Variants in PCDH9 observed in about 807,000 individuals in gnomAD.
PCDH9 encodes the protein protocadherin 9.
In PCDH9, 24 loss-of-function variants were observed where a neutral mutation model predicts 70.6. The ratio of observed to expected loss-of-function variants is 0.34; its 90% confidence interval spans 0.25 to 0.48. The LOEUF (loss-of-function observed/expected upper bound fraction) is 0.48. PCDH9 is among the 20% of genes least tolerant of loss of function. The pLI, the probability that PCDH9 is intolerant of heterozygous loss-of-function variation, is 0.99. For missense variants in PCDH9, 1,281 were observed against 1,503.6 expected, an observed-to-expected ratio of 0.85 and a Z score of 2.45; for synonymous variants, 562 against 558.5, an observed-to-expected ratio of 1.01 and a Z score of -0.09.
chr13:66,346,716 G>C (rs911677805), intron 4 of PCDH9, among the ~76,000 whole-genome samples: 1 of 152,160 alleles, frequency 6.6e-6, no homozygotes, highest in Non-Finnish European at 1.5e-5. Flanking sequence ...TAGAGGGCAG[G>C]AGCTATATCA....
intron 3 of PCDH9, among the ~76,000 whole-genome samples, chr13:66,680,711 G>A (rs891364802): frequency 6.6e-6 from 1 of 151,754 alleles, no homozygotes; most frequent in Non-Finnish European, 1.5e-5. Flanking sequence ...CAACCAATGA[G>A]CAATAGTACA....
At chr13:66,771,294 T>C (rs911669399) in intron 3 of PCDH9, among the ~76,000 whole-genome samples, 3 of 152,196 alleles carry the variant, frequency 2.0e-5, no homozygotes, top group Non-Finnish European at 2.9e-5. Flanking sequence ...TTTAGATCTA[T>C]AGGAGAATAT....
intron 3 of PCDH9, among the ~76,000 whole-genome samples, chr13:66,731,007 A>ATCAG (rs1566154365): frequency 1.1e-4 from 17 of 150,732 alleles, no homozygotes; most frequent in African/African-American, 2.9e-4. Flanking sequence ...AACAGGCTGA[A>ATCAG]CTATCAGGCC....
At chr13:66,324,039 G>T (rs536316079) in intron 4 of PCDH9, among the ~76,000 whole-genome samples, 22 of 151,940 alleles carry the variant, frequency 1.4e-4, no homozygotes, top group African/African-American at 5.1e-4. Flanking sequence ...TGTAAGAGAA[G>T]AATTCCTTTC....
intron 2 of PCDH9, among the ~76,000 whole-genome samples, chr13:67,011,858 T>C (rs1163463412): frequency 6.6e-6 from 1 of 151,872 alleles, no homozygotes; most frequent in East Asian, 1.9e-4. Flanking sequence ...GCTACTAATA[T>C]CAGTAAACCT....
At chr13:66,615,306 T>C (rs2077342190) in intron 4 of PCDH9, among the ~76,000 whole-genome samples, 1 of 152,234 alleles carries the variant, frequency 6.6e-6, no homozygotes, top group Non-Finnish European at 1.5e-5. Flanking sequence ...ATGCTCAATC[T>C]TCTTTAGGTT....
At chr13:66,701,556 T>G (rs1045948459) in intron 3 of PCDH9, among the ~76,000 whole-genome samples, 1 of 152,146 alleles carries the variant, frequency 6.6e-6, no homozygotes, top group African/African-American at 2.4e-5. Flanking sequence ...TTACCATGAT[T>G]GTCTTTTTGT....
chr13:66,779,841 C>CTATATATA (rs1461666323), intron 3 of PCDH9, among the ~76,000 whole-genome samples: 350 of 26,026 alleles, frequency 0.013, no homozygotes, highest in South Asian at 0.028. Flanking sequence ...CTCTCTCTCT[C>CTATATATA]TCTCTCTCTA....
chr13:66,624,356 T>C (rs1255689851), intron 4 of PCDH9, among the ~76,000 whole-genome samples: 1 of 152,228 alleles, frequency 6.6e-6, no homozygotes, highest in Admixed American at 6.5e-5. Context: ...TTACTGCTAC[T>C]TGGGAATGGA....
intron 3 of PCDH9, among the ~76,000 whole-genome samples, chr13:66,787,011 C>A: frequency 6.6e-6 from 1 of 152,226 alleles, no homozygotes; most frequent in South Asian, 2.1e-4. Context: ...AATATTTATC[C>A]AACATCTTAA....
intron 4 of PCDH9, among the ~76,000 whole-genome samples, chr13:66,594,832 T>C (rs1013485381): frequency 4.0e-5 from 6 of 151,638 alleles, no homozygotes. Flanking sequence ...GACATAATCT[T>C]GTTCCTTTTT....
At chr13:66,542,548 C>T (rs947745674) in intron 4 of PCDH9, among the ~76,000 whole-genome samples, 2 of 151,864 alleles carry the variant, frequency 1.3e-5, no homozygotes, top group African/African-American at 2.4e-5. Flanking sequence ...TTTCCAGCTG[C>T]TGGCCTGCCC....
intron 2 of PCDH9, among the ~76,000 whole-genome samples, chr13:66,907,899 T>C (rs1183794132): frequency 1.3e-5 from 2 of 152,192 alleles, no homozygotes; most frequent in Non-Finnish European, 2.9e-5. Flanking sequence ...AATAGTTTTG[T>C]ACTTTTGTGC....
chr13:66,634,016 C>G (rs1330580468), intron 3 of PCDH9, among the ~76,000 whole-genome samples: 1 of 152,092 alleles, frequency 6.6e-6, no homozygotes, highest in South Asian at 2.1e-4. Context: ...TCAAATATAG[C>G]TTATTAGAGT....
At chr13:67,114,547 G>C (rs929578382) in intron 2 of PCDH9, among the ~76,000 whole-genome samples, 2 of 152,272 alleles carry the variant, frequency 1.3e-5, no homozygotes, top group African/African-American at 4.8e-5. Flanking sequence ...AAATGAAGCA[G>C]AGCAGATAAA....
chr13:66,695,596 A>G (rs1392004166), intron 3 of PCDH9, among the ~76,000 whole-genome samples: 1 of 152,224 alleles, frequency 6.6e-6, no homozygotes, highest in Non-Finnish European at 1.5e-5. Context: ...AAATCAGTTT[A>G]GATACTGTGC....
At position 66,454,282 on chromosome 13, in the gene PCDH9, C is replaced by T. The variant is rs183895755; in HGVS notation, c.3341-149254G>A. 6.1e-4 allele frequency among the ~76,000 whole-genome samples: 92 copies of T among 152,016 alleles called. 1 individual carries two copies. The highest frequency in any genetic ancestry group is 1.1e-3 in the Non-Finnish European group (77 of 67,990). On this transcript the variant is annotated intron_variant, in intron 4 of 4. Transcript: ENST00000377865. Reference sequence around the variant, plus strand: ...GCAAAGAAAATATAATGAGCTACAACGAAGGAGAAAAAATAGCAAACTTGA... The same window carrying T: ...GCAAAGAAAATATAATGAGCTACAATGAAGGAGAAAAAATAGCAAACTTGA...
chr13:66,721,031 T>G (rs1011287540), intron 3 of PCDH9, among the ~76,000 whole-genome samples: 5 of 152,172 alleles, frequency 3.3e-5, no homozygotes, highest in African/African-American at 1.2e-4. Context: ...AAAAAATAAT[T>G]CATTTATGAA....
At chr13:66,612,932 T>C (rs1332710032) in intron 4 of PCDH9, among the ~76,000 whole-genome samples, 1 of 152,122 alleles carries the variant, frequency 6.6e-6, no homozygotes, top group African/African-American at 2.4e-5. Flanking sequence ...CATCTTTAGT[T>C]GAACTAAGGA....
Sources: allele counts gnomAD v4.1 joint callset (sites outside exome capture counted in the v4.1 genomes callset), GRCh38; gene constraint gnomAD v4.1.1; transcripts MANE v1.5; gene names NCBI Gene and HGNC (gene_info 2026-07-23, HGNC 2026-07-21).